TRIM63: variants seen among roughly 807,000 people sequenced by gnomAD.
TRIM63 encodes the protein E3 ubiquitin-protein ligase TRIM63.
A neutral mutation model predicts 46.0 loss-of-function variants in TRIM63; 48 were observed. The observed-to-expected ratio is 1.04, with a 90% CI of 0.83 to 1.33. TRIM63 has a LOEUF of 1.33. Ranked by LOEUF, TRIM63 falls within the 40% of genes most tolerant of loss-of-function variation. TRIM63 has a pLI of 0.00. For missense variants in TRIM63, 455 were observed against 441.2 expected (o/e 1.03, Z -0.28); for synonymous variants, 175 against 162.8 (o/e 1.08, Z -0.57).
Position 26,067,501 on chromosome 1 carries a change from G to C in TRIM63, c.-7C>G. 6.2e-7 allele frequency: 1 copy of C among 1,613,772 alleles called. No homozygotes were observed. The highest frequency in any genetic ancestry group is 8.5e-7 in the Non-Finnish European group (1 of 1,179,962). ...GGCTCGACTTATAATCCATTCTGTGGGAAGGAATGAGAGCCACGCCTAGCT... is the reference window on the plus strand; with the variant it reads ...GGCTCGACTTATAATCCATTCTGTGCGAAGGAATGAGAGCCACGCCTAGCT... On this transcript the variant is annotated 5_prime_UTR_variant, in exon 1 of 9. Coordinates refer to ENST00000374272, the MANE Select transcript of TRIM63 (RefSeq NM_032588.4).
At chr1:26,059,476 A>G (rs1487290309) in intron 4 of TRIM63, among the ~76,000 whole-genome samples, 1 of 152,016 alleles carries the variant, frequency 6.6e-6, no homozygotes. Flanking sequence ...GTCCTAGGAG[A>G]GGTGGAAAAA....
intron 8 of TRIM63, among the ~76,000 whole-genome samples, chr1:26,053,293 C>A (rs887591281): frequency 3.3e-5 from 5 of 151,320 alleles, no homozygotes; most frequent in Non-Finnish European, 7.4e-5. Flanking sequence ...ACTCTTGTCA[C>A]CCAGGCTGGA....
rs2050688665 is a variant in TRIM63, at chr1:26,067,447, G to A, written c.48C>T (p.Asn16=). ...TAGGGCAGATCAGCTGCTTCTCCAAGTTCTCCATGGGATTCCCATCCTGGA... is the reference window on the plus strand; with the variant it reads ...TAGGGCAGATCAGCTGCTTCTCCAAATTCTCCATGGGATTCCCATCCTGGA... ...SLIQDGNPME[N]LEKQLICPIC... The change falls in exon 1 of 9, where the codon AAC becomes AAT. Residue 16 remains asparagine (N), a synonymous_variant. Transcript: ENST00000374272. 2.5e-6 allele frequency: 4 copies of A among 1,614,168 alleles called. No individual in the cohort carries two copies. The highest frequency in any genetic ancestry group is 3.4e-6 in the Non-Finnish European group (4 of 1,180,040).
chr1:26,061,313 A>T lies in TRIM63; in HGVS notation c.354T>A (p.Ser118Arg). The change falls in exon 3 of 9, where the codon AGT (serine) becomes AGA (arginine). Residue 118 changes from serine to arginine, a missense_variant. Ser to Arg is a moderately radical substitution (Grantham distance 110). Coordinates refer to ENST00000374272, the MANE Select transcript of TRIM63 (RefSeq NM_032588.4). ...CTTCGTGCTCCTTGCACATGGGGTG[A>T]CTGCCCTTCTGCAGCGGCCGACTGC... The part of the protein sequence containing the change: ...ECSSRPLQKG[S>R]HPMCKEHEDE... 6.2e-7 allele frequency: 1 copy of T among 1,614,154 alleles called. No homozygotes were observed. The highest frequency in any genetic ancestry group is 8.5e-7 in the Non-Finnish European group (1 of 1,179,998).
At chr1:26,061,370 T>C (rs1361186452) in intron 2 of TRIM63, 36 bp from the exon 3 acceptor site, 1 of 1,603,044 alleles carries the variant, frequency 6.2e-7, no homozygotes, top group Non-Finnish European at 8.5e-7. Flanking sequence ...ATGGGGGTCC[T>C]GTGTCCCTGC....
intron 2 of TRIM63, among the ~76,000 whole-genome samples, chr1:26,063,239 G>T (rs995331963): frequency 2.8e-5 from 4 of 144,732 alleles, no homozygotes; most frequent in Admixed American, 6.8e-5. Flanking sequence ...GTGTAGATTC[G>T]ATTTTTTGAG....
chr1:26,062,266 G>C (rs1306597753), intron 2 of TRIM63, among the ~76,000 whole-genome samples: 5 of 123,060 alleles, frequency 4.1e-5, no homozygotes, highest in Admixed American at 2.5e-4. Flanking sequence ...GCAAAACTCC[G>C]TCTCAAAAAA....
intron 5 of TRIM63, 117 bp downstream of exon 5, chr1:26,058,273 A>T: frequency 1.2e-6 from 1 of 831,944 alleles, no homozygotes; most frequent in Non-Finnish European, 2.0e-6. Flanking sequence ...ACTGAGGCTC[A>T]CAGAGGTTTA....
chr1:26,060,496 C>T (rs1228325622), intron 3 of TRIM63, 135 bp from the exon 4 acceptor site: 3 of 645,512 alleles, frequency 4.6e-6, no homozygotes, highest in East Asian at 2.7e-5. Context: ...TCTGGCCCCT[C>T]TTTCGGGTAT....
chr1:26,060,409 A>C, intron 3 of TRIM63, 48 bp from the exon 4 acceptor site: 1 of 1,478,574 alleles, frequency 6.8e-7, no homozygotes, highest in Non-Finnish European at 9.4e-7. Flanking sequence ...AAATAGCCTC[A>C]GGGCCTACCC....
At chr1:26,055,295 A>G (rs1030225556) in intron 7 of TRIM63, among the ~76,000 whole-genome samples, 2 of 152,216 alleles carry the variant, frequency 1.3e-5, no homozygotes, top group African/African-American at 4.8e-5. Context: ...AGAGATGGTA[A>G]CAGAACCTAT....
At chr1:26,061,742 C>T (rs1344246819) in intron 2 of TRIM63, among the ~76,000 whole-genome samples, 1 of 152,220 alleles carries the variant, frequency 6.6e-6, no homozygotes, top group African/African-American at 2.4e-5. Flanking sequence ...CAAGTAAGGG[C>T]AGAGGAGCCT....
In TRIM63 at chr1:26,060,298, T is replaced by C. The variant is rs1425935221; in HGVS notation, c.565A>G (p.Thr189Ala). 1.9e-6 allele frequency: 3 copies of C among 1,613,888 alleles called. No individual in the cohort carries two copies. The Admixed American group carries it at 5.0e-5, about 27-fold the overall frequency. Reference sequence around the variant, plus strand: ...ACTCGACGGGAATCCTCCAGCTGAGTGATGATGGTCTGCACACGGTCATTC... The same window carrying C: ...ACTCGACGGGAATCCTCCAGCTGAGCGATGATGGTCTGCACACGGTCATTC... ...AGNDRVQTII[T>A]QLEDSRRVTK... The change falls in exon 4 of 9, where the codon ACT (threonine) becomes GCT (alanine). Residue 189 changes from threonine (T) to alanine (A), a missense_variant. Transcript: ENST00000374272.
chr1:26,061,119 G>C, intron 3 of TRIM63, 47 bp downstream of exon 3: 6 of 1,589,950 alleles, frequency 3.8e-6, no homozygotes, highest in Non-Finnish European at 5.2e-6. Context: ...TCATCAGGCC[G>C]TGCCCAGCAG....
intron 7 of TRIM63, 36 bp downstream of exon 7, chr1:26,057,167 A>G: frequency 6.2e-7 from 1 of 1,611,824 alleles, no homozygotes; most frequent in Non-Finnish European, 8.5e-7. Context: ...GGGGTCAGGC[A>G]GGCAAATAGA....
chr1:26,065,865 C>T (rs956391316), intron 2 of TRIM63, among the ~76,000 whole-genome samples: 13 of 152,200 alleles, frequency 8.5e-5, no homozygotes, highest in African/African-American at 3.1e-4. Context: ...ATGAAGCATT[C>T]CCAGTGCCTG....
Position 26,058,565 on chromosome 1 carries a change from A to G in TRIM63, c.656T>C (p.Ile219Thr), listed in dbSNP as rs1280453494. ...CAACTCACTTTTCTTCTCATCCAGGATGGCATACAACGTGTCAAACTTCTG... is the reference window on the plus strand; with the variant it reads ...CAACTCACTTTTCTTCTCATCCAGGGTGGCATACAACGTGTCAAACTTCTG... ...LSQKFDTLYAILDEKKSELLQ... is the reference protein window; with the variant it reads ...LSQKFDTLYATLDEKKSELLQ... Residue 219 changes from isoleucine to threonine, a missense_variant, in exon 5 of 9, where the codon ATC becomes ACC. Transcript: ENST00000374272. 1 of 1,614,066 alleles carries G rather than the reference A, an allele frequency of 6.2e-7. No individual in the cohort carries two copies. The highest frequency in any genetic ancestry group is 1.3e-5 in the African/African-American group (1 of 74,910).
intron 7 of TRIM63, among the ~76,000 whole-genome samples, chr1:26,056,335 G>A (rs771304229): frequency 4.8e-4 from 73 of 152,140 alleles, no homozygotes; most frequent in Middle Eastern, 3.2e-3. Flanking sequence ...CAGAAATGAG[G>A]ACATGATGTT....
chr1:26,058,339 A>T, intron 5 of TRIM63, 51 bp downstream of exon 5: 1 of 1,509,798 alleles, frequency 6.6e-7, no homozygotes, highest in Non-Finnish European at 9.2e-7. Context: ...CTTGAACCTT[A>T]GAGCTGTAGA....
Sources: gnomAD v4.1 joint callset for allele counts (sites outside exome capture counted in the v4.1 genomes callset) on GRCh38, gnomAD v4.1.1 for gene constraint, MANE v1.5 for transcripts, NCBI Gene and HGNC (gene_info 2026-07-23, HGNC 2026-07-21) for gene names.